Variants in SOHLH2 observed in about 807,000 individuals in gnomAD.
SOHLH2 encodes the protein spermatogenesis and oogenesis specific basic helix-loop-helix 2, also known as spermatogenesis- and oogenesis-specific basic helix-loop-helix-containing protein 2.
A neutral mutation model predicts 50.4 loss-of-function variants in SOHLH2; 22 were observed. The ratio of observed to expected loss-of-function variants is 0.44; its 90% CI spans 0.31 to 0.62. The LOEUF is 0.62. Among genes scored for constraint, SOHLH2 ranks in the 20% least tolerant of loss-of-function variants. The pLI, the probability that SOHLH2 is intolerant of heterozygous loss-of-function variation, is 0.08. For missense variants in SOHLH2, 412 were observed against 504.4 expected, an observed-to-expected ratio of 0.82 and a Z score of 1.76; for synonymous variants, 185 against 187.3, an observed-to-expected ratio of 0.99 and a Z score of 0.10.
intron 6 of SOHLH2, among the ~76,000 whole-genome samples, chr13:36,175,872 C>G (rs925995565): frequency 2.0e-5 from 3 of 152,198 alleles, no homozygotes; most frequent in Admixed American, 2.0e-4. Flanking sequence ...AATTTGACAA[C>G]GTGTGTGAAG....
chr13:36,169,064 AG>A lies in SOHLH2; in HGVS notation c.1258-11del, dbSNP rs781365187. The A allele has an allele frequency of 6.2e-7, 1 of 1,606,696 alleles. No homozygotes were observed. The highest frequency in any genetic ancestry group is 2.3e-5 in the East Asian group (1 of 44,390). The stretch of plus-strand genomic sequence containing the variant: ...ACGCCCAAAACTGTTGCTGCAAAGA[AG>A]GGGGAAAAACCCACATTAATTGAAT... On this transcript the variant is annotated splice_polypyrimidine_tract_variant and intron_variant, in intron 10 of 10. Coordinates refer to ENST00000379881, the MANE Select transcript of SOHLH2 (RefSeq NM_017826.3).
At chr13:36,206,961 A>G (rs954591127) in intron 1 of SOHLH2, among the ~76,000 whole-genome samples, 64 of 151,860 alleles carry the variant, frequency 4.2e-4, no homozygotes, top group African/African-American at 1.5e-3. Context: ...AGCAAATACT[A>G]CTATATAAAA....
At chr13:36,210,126 T>A (rs1377492447) in intron 1 of SOHLH2, among the ~76,000 whole-genome samples, 2 of 152,218 alleles carry the variant, frequency 1.3e-5, no homozygotes, top group African/African-American at 4.8e-5. Flanking sequence ...CTTTAGAGAA[T>A]AGTTCCTGAG....
intron 6 of SOHLH2, among the ~76,000 whole-genome samples, chr13:36,188,828 CT>C: frequency 6.6e-6 from 1 of 152,260 alleles, no homozygotes; most frequent in South Asian, 2.1e-4. Context: ...CACAATCATC[CT>C]ATATCCATCC....
chr13:36,208,606 T>C (rs1464751847), intron 1 of SOHLH2, among the ~76,000 whole-genome samples: 2 of 152,184 alleles, frequency 1.3e-5, no homozygotes, highest in Admixed American at 1.3e-4. Context: ...GGAATTTTAG[T>C]TCCAATCATT....
chr13:36,169,346 A>G (rs2138261395), intron 10 of SOHLH2, among the ~76,000 whole-genome samples: 1 of 152,346 alleles, frequency 6.6e-6, no homozygotes, highest in East Asian at 1.9e-4. Context: ...TTGGAATACT[A>G]ATGATCATTA....
rs1009137302 is a variant in SOHLH2, at chr13:36,193,886, T to C, written c.264-19A>G. On this transcript the variant is annotated intron_variant, in intron 2 of 10. Transcript: ENST00000379881. ...GCCAAATCTGAGAGAGGAAAGAAAA[T>C]GTTAAAATGAAGCAAAATCATTATT... 3.8e-6 allele frequency: 6 copies of C among 1,589,050 alleles called. No individual in the cohort carries two copies. The African/African-American group carries it at 5.5e-5, about 14-fold the overall frequency.
At position 36,193,603 on chromosome 13, in the gene SOHLH2, T is replaced by C; in HGVS notation, c.430+18A>G. The stretch of plus-strand genomic sequence containing the variant: ...ATTTTAATTCAAATTTTGAAACCTT[T>C]GGAAATTTTTTACTCACCAGTGTTT... On this transcript the variant is annotated intron_variant, in intron 4 of 10. Coordinates refer to ENST00000379881, the MANE Select transcript of SOHLH2 (RefSeq NM_017826.3). 4 of 1,578,864 alleles carry C rather than the reference T, an allele frequency of 2.5e-6. No individual in the cohort carries two copies. In the South Asian group the frequency reaches 3.6e-5, roughly 14 times the overall value.
rs1363678222 is a variant in SOHLH2 at position 36,168,332 on chromosome 13, A to T, written c.*702T>A. ...TTTTCAACTGTCCTTTCTAATACCC[A>T]TAGGGAGGAAGAGATGAAAAACAAA... On this transcript the variant is annotated 3_prime_UTR_variant, in exon 11 of 11. Coordinates refer to ENST00000379881, the MANE Select transcript of SOHLH2 (RefSeq NM_017826.3). 6.6e-6 allele frequency: 1 copy of T among 152,154 alleles called. No homozygotes were observed. The highest frequency in any genetic ancestry group is 2.4e-5 in the African/African-American group (1 of 41,434). The allele number at this position is 152,154 out of a possible 1,614,324, so 9.4% of individuals were successfully genotyped here.
chr13:36,169,725 G>C (rs963464989), intron 10 of SOHLH2, among the ~76,000 whole-genome samples: 5 of 152,308 alleles, frequency 3.3e-5, no homozygotes, highest in African/African-American at 7.2e-5. Flanking sequence ...AGGTATGACT[G>C]TTTCATATGC....
chr13:36,194,878 C>T (rs1255304835), intron 2 of SOHLH2, among the ~76,000 whole-genome samples: 1 of 152,042 alleles, frequency 6.6e-6, no homozygotes, highest in African/African-American at 2.4e-5. Flanking sequence ...CTGGGATCAC[C>T]CCCACTGTAT....
At chr13:36,188,808 A>C (rs1389521397) in intron 6 of SOHLH2, among the ~76,000 whole-genome samples, 2 of 152,102 alleles carry the variant, frequency 1.3e-5, no homozygotes, top group Non-Finnish European at 2.9e-5. Context: ...TCCCTTCTCT[A>C]CGTGCTTCCC....
intron 1 of SOHLH2, among the ~76,000 whole-genome samples, chr13:36,205,500 A>G (rs1868699964): frequency 6.6e-6 from 1 of 152,138 alleles, no homozygotes; most frequent in Admixed American, 6.5e-5. Context: ...CTTTTTCAGT[A>G]TAACATGATT....
chr13:36,200,981 G>T (rs915343495), intron 2 of SOHLH2, among the ~76,000 whole-genome samples: 3 of 145,868 alleles, frequency 2.1e-5, no homozygotes, highest in Non-Finnish European at 4.5e-5. Context: ...CCCGGGAGGT[G>T]CAGGTTGCAG....
rs987785721 is a variant in SOHLH2 at position 36,168,689 on chromosome 13, G to A, written c.*345C>T. ...ACCTTCCCAATCTAATCATTTTATC[G>A]TGTCTACATGGATCTTCCTTATAGC... is the stretch of plus-strand genomic sequence containing the variant. On this transcript the variant is annotated 3_prime_UTR_variant, in exon 11 of 11. Coordinates refer to ENST00000379881, the MANE Select transcript of SOHLH2 (RefSeq NM_017826.3). 3.0e-5 allele frequency: 9 copies of A among 300,004 alleles called. No homozygotes were observed. Among genetic ancestry groups the A allele is most frequent in the Non-Finnish European group, 5.5e-5 (9 of 164,430 alleles). 18.6% of individuals were successfully genotyped at this position (300,004 alleles called of 1,614,324 possible).
chr13:36,202,156 T>C, intron 1 of SOHLH2, 63 bp from the exon 2 acceptor site: 1 of 1,577,112 alleles, frequency 6.3e-7, no homozygotes, highest in Non-Finnish European at 8.6e-7. Context: ...AAATGTCATG[T>C]ATGAGAGGAT....
At chr13:36,185,672 G>A (rs1187217794) in intron 6 of SOHLH2, among the ~76,000 whole-genome samples, 1 of 151,820 alleles carries the variant, frequency 6.6e-6, no homozygotes, top group Non-Finnish European at 1.5e-5. Flanking sequence ...ATCAATACCG[G>A]GAATGAAAAA....
At chr13:36,170,286 G>A (rs1593931600) in intron 10 of SOHLH2, among the ~76,000 whole-genome samples, 2 of 152,136 alleles carry the variant, frequency 1.3e-5, no homozygotes, top group Non-Finnish European at 2.9e-5. Context: ...CCTGGTCACC[G>A]TCAAACTAGC....
At chr13:36,192,634 C>T (rs191634131) in intron 4 of SOHLH2, among the ~76,000 whole-genome samples, 1 of 152,212 alleles carries the variant, frequency 6.6e-6, no homozygotes, top group African/African-American at 2.4e-5. Context: ...ATTTTGCCAG[C>T]TTTATTAAAG....
Sources: gnomAD v4.1 joint callset for allele counts (sites outside exome capture counted in the v4.1 genomes callset) on GRCh38, gnomAD v4.1.1 for gene constraint, MANE v1.5 for transcripts, NCBI Gene and HGNC (gene_info 2026-07-23, HGNC 2026-07-21) for gene names.